TGFBR3: variants seen among roughly 807,000 people sequenced by gnomAD.
TGFBR3 encodes the protein transforming growth factor beta receptor type 3.
In TGFBR3, 46 loss-of-function variants were observed where a neutral mutation model predicts 87.9. The ratio of observed to expected loss-of-function variants is 0.52; its 90% CI spans 0.41 to 0.67. The LOEUF is 0.67. Ranked by LOEUF, TGFBR3 falls within the 30% of genes least tolerant of loss-of-function variation. The probability of loss-of-function intolerance (pLI) is 0.00; values close to 1 mark genes in which losing one functional copy is unlikely to be tolerated. For synonymous variants in TGFBR3, 381 were observed against 391.6 expected, an observed-to-expected ratio of 0.97 and a Z score of 0.32; for missense variants, 866 against 1,041.9, an observed-to-expected ratio of 0.83 and a Z score of 2.32.
intron 4 of TGFBR3, among the ~76,000 whole-genome samples, chr1:91,736,581 A>T (rs1250056448): frequency 1.3e-5 from 2 of 152,062 alleles, no homozygotes; most frequent in Non-Finnish European, 2.9e-5. Flanking sequence ...TAAGAAAAAA[A>T]TCCTAGGTCA....
At chr1:91,684,449 C>T (rs533404270) in intron 16 of TGFBR3, among the ~76,000 whole-genome samples, 48 of 152,286 alleles carry the variant, frequency 3.2e-4, no homozygotes, top group African/African-American at 1.1e-3. Flanking sequence ...ATTGGAAAAA[C>T]CTTTTGGGGA....
chr1:91,716,770 TG>T (rs1672192619), intron 10 of TGFBR3, 62 bp from the exon 11 acceptor site: 2 of 1,593,414 alleles, frequency 1.3e-6, no homozygotes, highest in Admixed American at 3.3e-5. Flanking sequence ...TGTTTGGTTC[TG>T]CCTCACACAA....
intron 4 of TGFBR3, among the ~76,000 whole-genome samples, chr1:91,757,342 T>C (rs575007179): frequency 1.3e-5 from 2 of 152,380 alleles, no homozygotes; most frequent in South Asian, 2.1e-4. Flanking sequence ...ACAGCGTCCA[T>C]CTGCCCCACA....
intron 4 of TGFBR3, among the ~76,000 whole-genome samples, chr1:91,743,224 T>C (rs576973998): frequency 6.6e-6 from 1 of 152,268 alleles, no homozygotes; most frequent in Admixed American, 6.5e-5. Context: ...AGCCTCTCTC[T>C]GGGCCTCCCC....
Position 91,682,666 on chromosome 1 carries a change from G to C in TGFBR3, c.*1073C>G, listed in dbSNP as rs746505769. On this transcript the variant is annotated 3_prime_UTR_variant, in exon 17 of 17. Coordinates refer to ENST00000212355, the MANE Select transcript of TGFBR3 (RefSeq NM_003243.5). ...AGGATTTGCCATGCATTTGCATCTT[G>C]CTACAGTTTGGTTTTTATGAAAGGG... The C allele has an allele frequency of 6.6e-6, 3 of 453,640 alleles. No individual in the cohort carries two copies. Among genetic ancestry groups the C allele is most frequent in the Non-Finnish European group, 1.3e-5 (3 of 226,702 alleles). 28.1% of individuals were successfully genotyped at this position (453,640 alleles called of 1,614,324 possible). A position where few individuals can be genotyped will look rare whatever the true frequency, so the allele number is the denominator to read the frequency against.
rs115326831 is a variant in TGFBR3, at chr1:91,700,835, A to T, written c.2288-2705T>A. On this transcript the variant is annotated intron_variant, in intron 14 of 16. Transcript: ENST00000212355. ...CTTCACTTATATTGTCTCATTTTAA[A>T]CTCCCAAGAACTCTATGAAGGAAGA... 3.6e-3 allele frequency among the ~76,000 whole-genome samples: 541 copies of T among 152,236 alleles called. 2 individuals are homozygous for T. The highest frequency in any genetic ancestry group is 5.9e-3 in the Non-Finnish European group (399 of 68,018).
intron 4 of TGFBR3, among the ~76,000 whole-genome samples, chr1:91,755,244 C>G (rs760643894): frequency 1.3e-4 from 20 of 152,022 alleles, no homozygotes; most frequent in African/African-American, 4.4e-4. Context: ...ATCACCAGAC[C>G]CTCTGTGGCA....
At position 91,680,809 on chromosome 1, in the gene TGFBR3, A is replaced by G. The variant is rs766096612; in HGVS notation, c.*2930T>C. On this transcript the variant is annotated 3_prime_UTR_variant, in exon 17 of 17. Coordinates refer to ENST00000212355, the MANE Select transcript of TGFBR3 (RefSeq NM_003243.5). Reference sequence around the variant, plus strand: ...ACACACACTCACAATCATGCCCACTAAGAACACAAGCAGGAAATGGATTTA... The same window carrying G: ...ACACACACTCACAATCATGCCCACTGAGAACACAAGCAGGAAATGGATTTA... The G allele has an allele frequency of 6.6e-6, 3 of 452,892 alleles. No individual in the cohort carries two copies. The highest frequency in any genetic ancestry group is 3.1e-5 in the South Asian group (2 of 64,262). 28.1% of individuals were successfully genotyped at this position (452,892 alleles called of 1,614,324 possible).
At chr1:91,749,331 C>G (rs1031874096) in intron 4 of TGFBR3, among the ~76,000 whole-genome samples, 1 of 152,194 alleles carries the variant, frequency 6.6e-6, no homozygotes, top group African/African-American at 2.4e-5. Flanking sequence ...GTGTCATTCA[C>G]CACCTCAGTG....
At chr1:91,757,314 T>C (rs971890881) in intron 4 of TGFBR3, among the ~76,000 whole-genome samples, 3 of 152,254 alleles carry the variant, frequency 2.0e-5, no homozygotes, top group African/African-American at 7.2e-5. Context: ...TGCTGTGTTC[T>C]CTCTCATTTA....
intron 13 of TGFBR3, among the ~76,000 whole-genome samples, chr1:91,711,022 G>A (rs1420509828): frequency 6.6e-6 from 1 of 152,154 alleles, no homozygotes; most frequent in Non-Finnish European, 1.5e-5. Flanking sequence ...AAGATCCCTG[G>A]TAACTGCTAG....
intron 1 of TGFBR3, among the ~76,000 whole-genome samples, chr1:91,865,034 C>T (rs1156863674): frequency 6.6e-6 from 1 of 151,898 alleles, no homozygotes; most frequent in East Asian, 1.9e-4. Context: ...GAAACTCCAG[C>T]TCAACCAAAA....
Position 91,683,784 on chromosome 1 carries a change from G to A in TGFBR3, c.2511C>T (p.Ile837=), listed in dbSNP as rs965515085. The change falls in exon 17 of 17, where the codon ATC becomes ATT. Residue 837 remains isoleucine (I), a synonymous_variant. Transcript: ENST00000212355. ...AGCAAGGCGTGCTCTGCGTGCTGCC[G>A]ATGCTGTGGGCAGCACTGCTGTTTT... ...ASENSSAAHS[I]GSTQSTPCSS... is the part of the protein sequence containing the mutation. 5.0e-6 allele frequency: 8 copies of A among 1,605,640 alleles called. No homozygotes were observed. Among genetic ancestry groups the A allele is most frequent in the African/African-American group, 1.3e-5 (1 of 74,988 alleles).
intron 14 of TGFBR3, among the ~76,000 whole-genome samples, chr1:91,705,325 G>A (rs908773203): frequency 2.0e-5 from 3 of 150,764 alleles, no homozygotes; most frequent in Non-Finnish European, 4.4e-5. Flanking sequence ...CCCAGGTTTA[G>A]GCAATTCTCT....
chr1:91,724,117 T>C (rs1293578279), intron 7 of TGFBR3, among the ~76,000 whole-genome samples: 3 of 152,230 alleles, frequency 2.0e-5, no homozygotes, highest in African/African-American at 4.8e-5. Flanking sequence ...CAGACAGAAC[T>C]TTAACCAACT....
At chr1:91,763,126 A>C (rs1674034794) in intron 3 of TGFBR3, among the ~76,000 whole-genome samples, 1 of 152,178 alleles carries the variant, frequency 6.6e-6, no homozygotes, top group Non-Finnish European at 1.5e-5. Context: ...AGAGGGGGAA[A>C]CCCTACTTGC....
chr1:91,799,467 C>T (rs960084575), intron 2 of TGFBR3, among the ~76,000 whole-genome samples: 37 of 152,190 alleles, frequency 2.4e-4, no homozygotes, highest in Admixed American at 2.0e-3. Flanking sequence ...TCCTGGCCTC[C>T]GGCTTTCCCA....
Position 91,794,029 on chromosome 1 carries a change from CTT to C in TGFBR3, c.246+3256_246+3257del, listed in dbSNP as rs571384660. 3.1e-3 allele frequency among the ~76,000 whole-genome samples: 475 copies of C among 152,178 alleles called. 3 individuals are homozygous for C. The highest frequency in any genetic ancestry group is 5.2e-3 in the Admixed American group (79 of 15,282). On this transcript the variant is annotated intron_variant, in intron 3 of 16. Transcript: ENST00000212355. ...TAAAAGTGAATTGAGCCAACGTAAA[CTT>C]TATAGACTAATTAGCATGTCAGCAG...
At chr1:91,857,702 G>C (rs1678014419) in intron 2 of TGFBR3, among the ~76,000 whole-genome samples, 1 of 152,200 alleles carries the variant, frequency 6.6e-6, no homozygotes, top group Non-Finnish European at 1.5e-5. Flanking sequence ...GCTTTGAGAG[G>C]CTGAGGTGGG....
Sources: gnomAD v4.1 joint callset for allele counts (sites outside exome capture counted in the v4.1 genomes callset) on GRCh38, gnomAD v4.1.1 for gene constraint, MANE v1.5 for transcripts, NCBI Gene and HGNC (gene_info 2026-07-23, HGNC 2026-07-21) for gene names.